Variants in LHFPL4 observed in about 807,000 individuals in gnomAD.
LHFPL4 encodes LHFPL tetraspan subfamily member 4 protein.
A neutral mutation model predicts 20.0 loss-of-function variants in LHFPL4; 6 were observed. That is an observed-to-expected ratio of 0.30 (90% CI 0.16 to 0.59). The LOEUF (loss-of-function observed/expected upper bound fraction) is 0.59, where lower values mean the gene tolerates loss of function less well. Ranked by LOEUF, LHFPL4 falls within the 20% of genes least tolerant of loss-of-function variation. The pLI, the probability that LHFPL4 is intolerant of heterozygous loss-of-function variation, is 0.88. For missense variants in LHFPL4, 215 were observed against 331.2 expected (o/e 0.65, Z 2.72); for synonymous variants, 129 against 143.8 (o/e 0.90, Z 0.74).
At chr3:9,515,304 G>A (rs768487783) in intron 2 of LHFPL4, among the ~76,000 whole-genome samples, 25 of 152,188 alleles carry the variant, frequency 1.6e-4, no homozygotes, top group Non-Finnish European at 2.8e-4. Flanking sequence ...CTTCCTTGGG[G>A]TGTCTGCTAA....
In LHFPL4 at chr3:9,501,377, A is replaced by G. The variant is rs2046171502; in HGVS notation, c.*834T>C. On this transcript the variant is annotated 3_prime_UTR_variant, in exon 4 of 4. Transcript: ENST00000287585. ...TCAAGGGTCCAGTCATTGGTGAGAC[A>G]TCCCAGCAGAGAGGAGGCCTGGGCA... The G allele has an allele frequency of 6.5e-6, 1 of 153,238 alleles. No individual in the cohort carries two copies. Among genetic ancestry groups the G allele is most frequent in the African/African-American group, 2.4e-5 (1 of 41,460 alleles). 9.5% of individuals were successfully genotyped at this position (153,238 alleles called of 1,614,324 possible).
intron 2 of LHFPL4, among the ~76,000 whole-genome samples, chr3:9,510,322 C>G (rs2046249776): frequency 6.6e-6 from 1 of 151,794 alleles, no homozygotes; most frequent in Non-Finnish European, 1.5e-5. Flanking sequence ...CTCGTAGTCC[C>G]AGCTCCTCAG....
At position 9,506,064 on chromosome 3, in the gene LHFPL4, G is replaced by A. The variant is rs559188125; in HGVS notation, c.546C>T (p.Ile182=). 5.6e-6 allele frequency: 9 copies of A among 1,614,194 alleles called. No individual in the cohort carries two copies. Among genetic ancestry groups the A allele is most frequent in the South Asian group, 5.5e-5 (5 of 91,078 alleles). The change falls in exon 3 of 4, where the codon ATC becomes ATT. Residue 182 remains isoleucine, a synonymous_variant. Transcript: ENST00000287585. This position sits in a 1 kb window ranked among gnomAD's most constrained non-coding sequence, Gnocchi z 4.5. The part of the protein sequence containing the change: ...SVRWAYILAI[I]GILNALILSF... ...AGAGGATGAGGGCGTTGAGGATGCCGATGATGGCCAGGATGTATGCCCAGC... is the reference window on the plus strand; with the variant it reads ...AGAGGATGAGGGCGTTGAGGATGCCAATGATGGCCAGGATGTATGCCCAGC...
At chr3:9,509,589 T>C (rs2046243944) in intron 2 of LHFPL4, among the ~76,000 whole-genome samples, 1 of 152,102 alleles carries the variant, frequency 6.6e-6, no homozygotes, top group Non-Finnish European at 1.5e-5. Flanking sequence ...GTTACACATG[T>C]CAAGGTGTGC....
intron 2 of LHFPL4, among the ~76,000 whole-genome samples, chr3:9,536,364 G>C (rs1299632192): frequency 6.6e-6 from 1 of 152,040 alleles, no homozygotes; most frequent in African/African-American, 2.4e-5. Flanking sequence ...TCAGCTCCTA[G>C]GAGGTGACTC....
chr3:9,522,365 G>A (rs536554035), intron 2 of LHFPL4, among the ~76,000 whole-genome samples: 12 of 152,202 alleles, frequency 7.9e-5, no homozygotes, highest in South Asian at 6.2e-4. Flanking sequence ...ATAAATAAGC[G>A]TGCGTGTGTG....
chr3:9,514,390 A>T (rs1003852479), intron 2 of LHFPL4, among the ~76,000 whole-genome samples: 2 of 152,146 alleles, frequency 1.3e-5, no homozygotes, highest in South Asian at 2.1e-4. Context: ...ATTGAGTAAA[A>T]TATTCAAAGA....
intron 2 of LHFPL4, among the ~76,000 whole-genome samples, chr3:9,528,864 C>T (rs1036526580): frequency 6.6e-5 from 10 of 151,620 alleles, no homozygotes; most frequent in African/African-American, 2.4e-4. Context: ...ATCTGCTCAC[C>T]TTGACCTCCC....
chr3:9,516,854 A>T (rs1387931344), intron 2 of LHFPL4, among the ~76,000 whole-genome samples: 2 of 128,656 alleles, frequency 1.6e-5, no homozygotes, highest in Non-Finnish European at 3.1e-5. Context: ...ATCTTGGCTT[A>T]CTTCCACCTC....
At chr3:9,543,735 T>TG (rs1172350688) in intron 2 of LHFPL4, among the ~76,000 whole-genome samples, 2 of 146,190 alleles carry the variant, frequency 1.4e-5, no homozygotes, top group African/African-American at 5.1e-5. Flanking sequence ...TTTGGTTTTT[T>TG]TTTTTTTTTT....
chr3:9,526,116 T>G lies in LHFPL4; in HGVS notation c.407-19913A>C, dbSNP rs139014963. On this transcript the variant is annotated intron_variant, in intron 2 of 3. Coordinates refer to ENST00000287585, the MANE Select transcript of LHFPL4 (RefSeq NM_198560.3). ...GAAGACACTTTGCTAGGTATATAAA[T>G]AAGCCAGTCATGAAAGGACAAACAC... 3.4e-3 allele frequency among the ~76,000 whole-genome samples: 518 copies of G among 152,290 alleles called. 2 individuals carry two copies. The highest frequency in any genetic ancestry group is 6.8e-3 in the Middle Eastern group (2 of 294).
chr3:9,543,362 G>C (rs924502878), intron 2 of LHFPL4, among the ~76,000 whole-genome samples: 1 of 151,994 alleles, frequency 6.6e-6, no homozygotes, highest in African/African-American at 2.4e-5. Context: ...TTAGCTGGGC[G>C]TGGTGGCGGG....
At chr3:9,534,656 G>A (rs972682559) in intron 2 of LHFPL4, among the ~76,000 whole-genome samples, 4 of 152,106 alleles carry the variant, frequency 2.6e-5, no homozygotes, top group African/African-American at 9.7e-5. Flanking sequence ...ATAAATTACC[G>A]ACAGAAACCA....
chr3:9,545,113 T>G (rs374415920), intron 2 of LHFPL4, among the ~76,000 whole-genome samples: 10 of 144,306 alleles, frequency 6.9e-5, no homozygotes, highest in African/African-American at 1.3e-4. Context: ...AGAAGAGGGG[T>G]GGGGAGAGGG....
chr3:9,543,757 A>G (rs1412287833), intron 2 of LHFPL4, among the ~76,000 whole-genome samples: 4 of 134,282 alleles, frequency 3.0e-5, no homozygotes, highest in African/African-American at 1.1e-4. Context: ...TTGAGTCAAC[A>G]TCTCACTCTG....
intron 2 of LHFPL4, among the ~76,000 whole-genome samples, chr3:9,545,172 G>A (rs2046503902): frequency 6.6e-6 from 1 of 151,906 alleles, no homozygotes; most frequent in African/African-American, 2.4e-5. Context: ...CAGAAGAGAG[G>A]AAAGAAGGTA....
Position 9,552,631 on chromosome 3 carries a change from G to C in LHFPL4, c.49C>G (p.Arg17Gly). The change falls in exon 2 of 4, where the codon CGG (arginine) becomes GGG (glycine). Residue 17 changes from arginine to glycine, a missense_variant. Physicochemically the swap from Arg to Gly is moderately radical, Grantham distance 125. Around this residue, in one of 2 missense-constraint regions of LHFPL4, gnomAD observed 164 missense variants for 286.7 expected, o/e 0.57. Transcript: ENST00000287585. Reference sequence around the variant, plus strand: ...AGCACGCCGATGGCCCGCGAGTTCCGCATGTAGTGCTCGTGGTAGAGCTTG... The same window carrying C: ...AGCACGCCGATGGCCCGCGAGTTCCCCATGTAGTGCTCGTGGTAGAGCTTG... ...ASKLYHEHYM[R>G]NSRAIGVLWA... 1 of 1,613,656 alleles carries C rather than the reference G, an allele frequency of 6.2e-7. No homozygotes were observed. The highest frequency in any genetic ancestry group is 1.1e-5 in the South Asian group (1 of 91,082).
chr3:9,552,065 C>T (rs2046558535), intron 2 of LHFPL4, among the ~76,000 whole-genome samples: 1 of 151,884 alleles, frequency 6.6e-6, no homozygotes, highest in South Asian at 2.1e-4. Flanking sequence ...GACCCACCCA[C>T]CCAGTCCCAA....
intron 2 of LHFPL4, among the ~76,000 whole-genome samples, chr3:9,541,288 A>T (rs1283795152): frequency 1.3e-5 from 2 of 152,226 alleles, no homozygotes; most frequent in African/African-American, 4.8e-5. Flanking sequence ...AAGGATAGAC[A>T]TATAGACCAA....
Sources: allele counts gnomAD v4.1 joint callset (sites outside exome capture counted in the v4.1 genomes callset), GRCh38; gene constraint gnomAD v4.1.1; regional missense constraint gnomAD v4.1.1; non-coding constraint Gnocchi (gnomAD v3.1); transcripts MANE v1.5; gene names NCBI Gene and HGNC (gene_info 2026-07-23, HGNC 2026-07-21).